The following LRFN5 variants were observed in gnomAD, a reference collection of about 807,000 sequenced individuals.
LRFN5 encodes the protein leucine-rich repeat and fibronectin type-III domain-containing protein 5.
In LRFN5, 24 loss-of-function variants were observed where a neutral mutation model predicts 45.6. The observed-to-expected ratio is 0.53, with a 90% confidence interval of 0.38 to 0.74. The LOEUF is 0.74. Among genes scored for constraint, LRFN5 ranks in the 30% least tolerant of loss-of-function variants. The probability of loss-of-function intolerance (pLI) is 0.00; values close to 1 mark genes in which losing one functional copy is unlikely to be tolerated. For synonymous variants in LRFN5, 340 were observed against 313.8 expected (o/e 1.08, Z -0.88); for missense variants, 776 against 861.5 (o/e 0.90, Z 1.24).
At chr14:41,800,148 A>G (rs1384380920) in intron 2 of LRFN5, among the ~76,000 whole-genome samples, 2 of 152,032 alleles carry the variant, frequency 1.3e-5, no homozygotes, top group African/African-American at 4.8e-5. Context: ...CATGTGGGTC[A>G]CTTAAAATTT....
chr14:41,715,061 C>T (rs1236901011), intron 1 of LRFN5, among the ~76,000 whole-genome samples: 2 of 151,890 alleles, frequency 1.3e-5, no homozygotes, highest in African/African-American at 2.4e-5. Context: ...AGGCAGATTT[C>T]CAAGATCCTT....
At chr14:41,903,637 A>T (rs1005725294) in intron 5 of LRFN5, among the ~76,000 whole-genome samples, 2 of 151,766 alleles carry the variant, frequency 1.3e-5, no homozygotes, top group Admixed American at 6.6e-5. Context: ...AGTTATTGTA[A>T]GTTTTCCATT....
At position 41,853,262 on chromosome 14, in the gene LRFN5, A is replaced by G. The variant is rs1356442853; in HGVS notation, c.-20-33344A>G. ...TTCATTAATTTATACAACAAGTGCC[A>G]CCTTAGAGCTAATAGTTCTCAGCTC... is the stretch of plus-strand genomic sequence containing the variant. On this transcript the variant is annotated intron_variant, in intron 2 of 5. Transcript: ENST00000298119. Among the ~76,000 whole-genome samples the G allele has an allele frequency of 3.9e-5, 6 of 152,014 alleles. No individual in the cohort carries two copies. The East Asian group carries it at 1.2e-3, about 29-fold the overall frequency.
chr14:41,739,659 A>AC (rs58080522), intron 1 of LRFN5, among the ~76,000 whole-genome samples: 1 of 150,792 alleles, frequency 6.6e-6, no homozygotes, highest in Admixed American at 6.6e-5. Context: ...AGCAACTAGA[A>AC]AAAAAAAAAC....
intron 2 of LRFN5, among the ~76,000 whole-genome samples, chr14:41,857,122 T>TA (rs1297753485): frequency 2.0e-5 from 3 of 152,212 alleles, no homozygotes; most frequent in African/African-American, 7.2e-5. Context: ...TTGCTATGTA[T>TA]AAAGTCCTTA....
At chr14:41,674,367 C>T (rs1402824115) in intron 1 of LRFN5, among the ~76,000 whole-genome samples, 20 of 126,104 alleles carry the variant, frequency 1.6e-4, no homozygotes, top group South Asian at 2.7e-4. Flanking sequence ...GGCGGCTGGC[C>T]GGGCGGGGGG....
chr14:41,645,943 A>G (rs1879795310), intron 1 of LRFN5, among the ~76,000 whole-genome samples: 1 of 152,200 alleles, frequency 6.6e-6, no homozygotes, highest in African/African-American at 2.4e-5. Context: ...CAGTCAACAC[A>G]AAACCTGAAG....
At chr14:41,804,210 G>C (rs1199595987) in intron 2 of LRFN5, among the ~76,000 whole-genome samples, 2 of 147,374 alleles carry the variant, frequency 1.4e-5, no homozygotes, top group African/African-American at 5.0e-5. Flanking sequence ...TTGGAGACTA[G>C]AGTTTTTCAA....
intron 2 of LRFN5, among the ~76,000 whole-genome samples, chr14:41,872,102 T>C (rs993640445): frequency 1.3e-5 from 2 of 152,204 alleles, no homozygotes; most frequent in African/African-American, 2.4e-5. Flanking sequence ...TGCTGATAGA[T>C]GACAGATGTA....
chr14:41,885,446 A>T (rs1035216675), intron 2 of LRFN5, among the ~76,000 whole-genome samples: 3 of 152,138 alleles, frequency 2.0e-5, no homozygotes, highest in Non-Finnish European at 2.9e-5. Context: ...TATACTCAAG[A>T]TCAAACAGAA....
chr14:41,881,910 A>G (rs540194926), intron 2 of LRFN5, among the ~76,000 whole-genome samples: 2 of 152,192 alleles, frequency 1.3e-5, no homozygotes, highest in East Asian at 3.8e-4. Flanking sequence ...AATTTTTATT[A>G]TAGTAATTTT....
chr14:41,804,885 A>T (rs1887465131), intron 2 of LRFN5, among the ~76,000 whole-genome samples: 1 of 152,176 alleles, frequency 6.6e-6, no homozygotes, highest in South Asian at 2.1e-4. Context: ...TAATACCAAT[A>T]AACCTCCAGA....
intron 1 of LRFN5, among the ~76,000 whole-genome samples, chr14:41,666,833 G>C (rs981971423): frequency 6.6e-6 from 1 of 152,068 alleles, no homozygotes; most frequent in African/African-American, 2.4e-5. Context: ...TCTAAGGAGG[G>C]AAGGCTATGC....
chr14:41,856,672 A>ATTTTTTTTTTTTTTTT (rs1889465921), intron 2 of LRFN5, among the ~76,000 whole-genome samples: 4 of 5,976 alleles, frequency 6.7e-4, no homozygotes, highest in Admixed American at 5.2e-3. Context: ...TATTATTATT[A>ATTTTTTTTTTTTTTTT]TTATTTTTTT....
At chr14:41,684,828 C>T (rs1882053212) in intron 1 of LRFN5, among the ~76,000 whole-genome samples, 1 of 152,090 alleles carries the variant, frequency 6.6e-6, no homozygotes, top group Non-Finnish European at 1.5e-5. Flanking sequence ...AAACCTTCTG[C>T]ACAGTGAAGG....
intron 2 of LRFN5, among the ~76,000 whole-genome samples, chr14:41,837,364 A>G (rs1018384638): frequency 1.3e-5 from 2 of 152,154 alleles, no homozygotes; most frequent in South Asian, 2.1e-4. Context: ...TGCTAGACTT[A>G]GTACAGGGCA....
intron 5 of LRFN5, among the ~76,000 whole-genome samples, chr14:41,903,275 C>T (rs1314381275): frequency 2.6e-5 from 4 of 151,262 alleles, no homozygotes. Flanking sequence ...AGATATTCTA[C>T]ATCAACATTT....
intron 2 of LRFN5, among the ~76,000 whole-genome samples, chr14:41,870,366 A>G (rs1351929398): frequency 6.6e-6 from 1 of 152,180 alleles, no homozygotes; most frequent in Non-Finnish European, 1.5e-5. Context: ...TGCTGCTAAT[A>G]AAGATATACT....
chr14:41,884,441 C>T (rs1336082893), intron 2 of LRFN5, among the ~76,000 whole-genome samples: 1 of 151,998 alleles, frequency 6.6e-6, no homozygotes, highest in East Asian at 1.9e-4. Context: ...AGGTGTTGTG[C>T]TGGACACCTC....
Sources: allele counts gnomAD v4.1 joint callset (sites outside exome capture counted in the v4.1 genomes callset), GRCh38; gene constraint gnomAD v4.1.1; transcripts MANE v1.5; gene names NCBI Gene and HGNC (gene_info 2026-07-23, HGNC 2026-07-21).